The following GNB1 variants were observed in gnomAD, a reference collection of about 807,000 sequenced individuals.
The protein encoded by GNB1 is G protein subunit beta 1, also known as guanine nucleotide-binding protein G(I)/G(S)/G(T) subunit beta-1.
A neutral mutation model predicts 42.9 loss-of-function variants in GNB1; 2 were observed. That is an observed-to-expected ratio of 0.05 (90% CI 0.02 to 0.15). The LOEUF is 0.15. Ranked by LOEUF, GNB1 falls within the 10% of genes least tolerant of loss-of-function variation. The probability of loss-of-function intolerance (pLI) is 1.00; values close to 1 mark genes in which losing one functional copy is unlikely to be tolerated. For missense variants in GNB1, 193 were observed against 462.2 expected (o/e 0.42, Z 5.34); for synonymous variants, 183 against 174.7 (o/e 1.05, Z -0.38).
intron 2 of GNB1, among the ~76,000 whole-genome samples, chr1:1,838,606 G>A (rs1362952687): frequency 6.6e-6 from 1 of 151,676 alleles, no homozygotes; most frequent in Non-Finnish European, 1.5e-5. Flanking sequence ...CACCGCACCC[G>A]GCTAATTTTT....
chr1:1,882,649 G>C (rs994759763), intron 1 of GNB1, among the ~76,000 whole-genome samples: 1 of 151,820 alleles, frequency 6.6e-6, no homozygotes, highest in Admixed American at 6.6e-5. Context: ...TGGGCAGGGC[G>C]TGGTGGCTCA....
intron 2 of GNB1, chr1:1,832,399 G>C (rs993767313): frequency 2.6e-5 from 4 of 152,202 alleles, no homozygotes; most frequent in African/African-American, 9.6e-5. Context: ...CACTAAGACA[G>C]GCTCTGCTAA....
At chr1:1,836,260 C>T (rs1647148174) in intron 2 of GNB1, among the ~76,000 whole-genome samples, 1 of 152,054 alleles carries the variant, frequency 6.6e-6, no homozygotes, top group South Asian at 2.1e-4. Context: ...GGGCTGTAGT[C>T]TCCATCTGCA....
At chr1:1,851,062 G>A (rs765333121) in intron 1 of GNB1, among the ~76,000 whole-genome samples, 126 of 152,162 alleles carry the variant, frequency 8.3e-4, no homozygotes, top group Non-Finnish European at 2.8e-4. Flanking sequence ...AAGGTCAGGA[G>A]TTTGAGACCA....
At chr1:1,836,915 T>C (rs978842769) in intron 2 of GNB1, among the ~76,000 whole-genome samples, 3 of 149,360 alleles carry the variant, frequency 2.0e-5, no homozygotes, top group African/African-American at 7.4e-5. Flanking sequence ...CAGGATGGTA[T>C]CGAACAACTG....
chr1:1,833,550 G>C (rs1053854670), intron 2 of GNB1, among the ~76,000 whole-genome samples: 2 of 152,164 alleles, frequency 1.3e-5, no homozygotes, highest in African/African-American at 4.8e-5. Context: ...AGGCACTGTA[G>C]AGCCTCAGCA....
intron 2 of GNB1, among the ~76,000 whole-genome samples, chr1:1,828,903 ACAC>A (rs1647036534): frequency 6.6e-6 from 1 of 151,808 alleles, no homozygotes; most frequent in African/African-American, 2.4e-5. Flanking sequence ...ATACACACAC[ACAC>A]ACACACAATT....
intron 1 of GNB1, among the ~76,000 whole-genome samples, chr1:1,871,436 G>T (rs190890326): frequency 6.6e-6 from 1 of 152,054 alleles, no homozygotes; most frequent in Non-Finnish European, 1.5e-5. Context: ...CTCCAGCCAC[G>T]GCAACAGAGT....
chr1:1,884,082 C>A (rs1455596048), intron 1 of GNB1, among the ~76,000 whole-genome samples: 1 of 151,418 alleles, frequency 6.6e-6, no homozygotes, highest in Non-Finnish European at 1.5e-5. Flanking sequence ...TCTCTTGCCT[C>A]TGCCTCCCGA....
chr1:1,832,100 T>C (rs183337364), intron 2 of GNB1: 1 of 150,966 alleles, frequency 6.6e-6, no homozygotes, highest in Admixed American at 6.6e-5. Context: ...AAGAAAAATA[T>C]ACTCACTTTA....
At chr1:1,877,444 G>C (rs1225626470) in intron 1 of GNB1, among the ~76,000 whole-genome samples, 1 of 151,654 alleles carries the variant, frequency 6.6e-6, no homozygotes, top group Non-Finnish European at 1.5e-5. Flanking sequence ...GTTATTTCCT[G>C]ATTGAGAGAT....
intron 2 of GNB1, among the ~76,000 whole-genome samples, chr1:1,835,247 G>A (rs779708693): frequency 3.3e-5 from 5 of 152,176 alleles, no homozygotes; most frequent in Non-Finnish European, 5.9e-5. Context: ...GCAGAGTGAC[G>A]CTTCATGGCA....
intron 7 of GNB1, among the ~76,000 whole-genome samples, chr1:1,800,915 T>C (rs1434892921): frequency 6.6e-6 from 1 of 152,244 alleles, no homozygotes; most frequent in African/African-American, 2.4e-5. Context: ...GCATTAACCA[T>C]GACTTGTTCC....
chr1:1,785,693 T>A lies in GNB1; in HGVS notation c.*1370A>T. On this transcript the variant is annotated 3_prime_UTR_variant, in exon 12 of 12. Transcript: ENST00000378609. The stretch of plus-strand genomic sequence containing the variant: ...TGTGATGGGAATGAGCCACCTCAGA[T>A]GTGGAGGGCCCTGAAGAATCCATAT... 1 of 299,002 alleles carries A rather than the reference T, an allele frequency of 3.3e-6. No individual in the cohort carries two copies. Among genetic ancestry groups the A allele is most frequent in the Non-Finnish European group, 6.1e-6 (1 of 163,974 alleles). The allele number at this position is 299,002 out of a possible 1,614,324, so 18.5% of individuals were successfully genotyped here.
At chr1:1,843,518 C>T (rs1245997068) in intron 1 of GNB1, among the ~76,000 whole-genome samples, 3 of 152,200 alleles carry the variant, frequency 2.0e-5, no homozygotes, top group South Asian at 2.1e-4. Flanking sequence ...CAAGGCACCG[C>T]ACCCAGCTGC....
chr1:1,842,584 G>A (rs1454134384), intron 1 of GNB1, among the ~76,000 whole-genome samples: 1 of 152,114 alleles, frequency 6.6e-6, no homozygotes, highest in Non-Finnish European at 1.5e-5. Context: ...AATCCAAAGA[G>A]ACAGAATGCA....
chr1:1,866,417 T>C (rs918943441), intron 1 of GNB1, among the ~76,000 whole-genome samples: 6 of 152,348 alleles, frequency 3.9e-5, no homozygotes, highest in Admixed American at 3.9e-4. Flanking sequence ...ATTTACTGTA[T>C]TGTGGTCATC....
At chr1:1,885,818 A>C (rs1650121717) in intron 1 of GNB1, among the ~76,000 whole-genome samples, 1 of 150,342 alleles carries the variant, frequency 6.7e-6, no homozygotes, top group Non-Finnish European at 1.5e-5. Flanking sequence ...TCGGCCTCCC[A>C]AAGTGCTGGG....
Position 1,787,442 on chromosome 1 carries a change from G to C in GNB1, c.917-5C>G. On this transcript the variant is annotated splice_region_variant and splice_polypyrimidine_tract_variant and intron_variant, in intron 10 of 11. Transcript: ENST00000378609. The surrounding 1 kb of genome is among the most constrained non-coding windows in gnomAD (Gnocchi z 4.4). ...TGTCATGCCCAGCCAAGACACCTGG[G>C]AGCAAACAACAGCAGAATCACACCA... The C allele has an allele frequency of 1.3e-6, 2 of 1,585,084 alleles. No individual in the cohort carries two copies. The highest frequency in any genetic ancestry group is 1.7e-6 in the Non-Finnish European group (2 of 1,154,024).
Sources: allele counts gnomAD v4.1 joint callset (sites outside exome capture counted in the v4.1 genomes callset), GRCh38; gene constraint gnomAD v4.1.1; non-coding constraint Gnocchi (gnomAD v3.1); transcripts MANE v1.5; gene names NCBI Gene and HGNC (gene_info 2026-07-23, HGNC 2026-07-21).